Variants in ZNF326 observed in about 807,000 individuals in gnomAD.
The protein encoded by ZNF326 is DBIRD complex subunit ZNF326.
ZNF326 carries 30 observed loss-of-function variants against 63.1 expected under a neutral mutation model. That is an observed-to-expected ratio of 0.48 (90% confidence interval 0.36 to 0.64). The LOEUF (loss-of-function observed/expected upper bound fraction) is 0.64. Among genes scored for constraint, ZNF326 ranks in the 30% least tolerant of loss-of-function variants. ZNF326 has a pLI of 0.00. For synonymous variants in ZNF326, 194 were observed against 228.2 expected (o/e 0.85, Z 1.35); for missense variants, 609 against 720.3 (o/e 0.85, Z 1.77).
At chr1:90,019,212 A>G (rs1420401485) in intron 9 of ZNF326, among the ~76,000 whole-genome samples, 1 of 152,176 alleles carries the variant, frequency 6.6e-6, no homozygotes, top group Non-Finnish European at 1.5e-5. Flanking sequence ...AAAAACAGCC[A>G]ACAAAAGGAA....
rs780713777 is a variant in ZNF326 at position 90,005,011 on chromosome 1, C to T, written c.70C>T (p.Arg24Cys). Residue 24 changes from arginine (R) to cysteine (C), a missense_variant, in exon 3 of 12, where the codon CGT becomes TGT. Physicochemically the swap from Arg to Cys is radical, Grantham distance 180 (BLOSUM62 -3). Transcript: ENST00000340281. ...NTYQGFNGMDRDYGPGSYGGM... is the reference protein window; with the variant it reads ...NTYQGFNGMDCDYGPGSYGGM... ...TATTGACTCTCTTTTAGGAATGGAT[C>T]GTGATTATGGCCCTGGATCTTATGG... 7 of 1,613,556 alleles carry T rather than the reference C, an allele frequency of 4.3e-6. No individual in the cohort carries two copies. Among genetic ancestry groups the T allele is most frequent in the Non-Finnish European group, 8.5e-7 (1 of 1,179,892 alleles).
At chr1:90,005,644 A>G (rs1648952844) in intron 4 of ZNF326, 1 of 976,350 alleles carries the variant, frequency 1.0e-6, no homozygotes, top group Non-Finnish European at 1.2e-6. Flanking sequence ...TGCTATGTAA[A>G]TTAGCAAAGC....
intron 11 of ZNF326, among the ~76,000 whole-genome samples, chr1:90,025,563 C>T (rs1413634966): frequency 1.3e-5 from 2 of 152,188 alleles, no homozygotes; most frequent in Non-Finnish European, 2.9e-5. Flanking sequence ...AGTTCCAGTA[C>T]AGACTAAATG....
At chr1:90,021,440 G>GA (rs1649770113) in intron 10 of ZNF326, among the ~76,000 whole-genome samples, 1 of 151,958 alleles carries the variant, frequency 6.6e-6, no homozygotes, top group African/African-American at 2.4e-5. Context: ...TGATGGTTGG[G>GA]AAAAATACAT....
intron 2 of ZNF326, among the ~76,000 whole-genome samples, chr1:90,004,319 A>G (rs1006771403): frequency 2.0e-5 from 3 of 152,294 alleles, no homozygotes; most frequent in African/African-American, 4.8e-5. Context: ...AATTACTGTG[A>G]ACAAGGCTAA....
At chr1:89,999,033 G>T (rs1648540414) in intron 2 of ZNF326, among the ~76,000 whole-genome samples, 1 of 152,140 alleles carries the variant, frequency 6.6e-6, no homozygotes, top group African/African-American at 2.4e-5. Flanking sequence ...AACATATAGG[G>T]AGTTAGTACT....
chr1:90,005,777 A>T (rs1479321033), intron 4 of ZNF326: 34 of 984,452 alleles, frequency 3.5e-5, no homozygotes, highest in Non-Finnish European at 4.0e-5. Flanking sequence ...AAATATTTTT[A>T]AAATTATGTT....
At chr1:90,027,218 A>T in intron 11 of ZNF326, 136 bp from the exon 12 acceptor site, 1 of 799,104 alleles carries the variant, frequency 1.3e-6, no homozygotes, top group Non-Finnish European at 2.0e-6. Flanking sequence ...CAAATACTTA[A>T]TGAATTTGTT....
At chr1:90,000,001 G>A (rs1648591561) in intron 2 of ZNF326, among the ~76,000 whole-genome samples, 1 of 152,158 alleles carries the variant, frequency 6.6e-6, no homozygotes, top group South Asian at 2.1e-4. Context: ...AATATTTATT[G>A]TATGTTAGAT....
chr1:90,027,649 C>T lies in ZNF326; in HGVS notation c.1697C>T (p.Thr566Ile). The change falls in exon 12 of 12, where the codon ACA becomes ATA. Residue 566 changes from threonine (T) to isoleucine (I), a missense_variant. Physicochemically the swap from Thr to Ile is moderately conservative, Grantham distance 89. Around this residue, in one of 3 missense-constraint regions of ZNF326, gnomAD observed 399 missense variants for 444.3 expected, o/e 0.90. Coordinates refer to ENST00000340281, the MANE Select transcript of ZNF326 (RefSeq NM_182976.4). ...GAAGTAGAGGAATTAGAGGAAGAGACAGCAAAGGAAGAACCTGCTGACTTC... is the reference window on the plus strand; with the variant it reads ...GAAGTAGAGGAATTAGAGGAAGAGATAGCAAAGGAAGAACCTGCTGACTTC... Reference protein sequence around the residue: ...VEEVEELEEETAKEEPADFPV... With the variant: ...VEEVEELEEEIAKEEPADFPV... 4 of 1,613,860 alleles carry T rather than the reference C, an allele frequency of 2.5e-6. No individual in the cohort carries two copies. Among genetic ancestry groups the T allele is most frequent in the Non-Finnish European group, 3.4e-6 (4 of 1,179,962 alleles).
Position 90,030,365 on chromosome 1 carries a change from G to T in ZNF326, c.*2664G>T, listed in dbSNP as rs1225628401. 5 of 149,906 alleles carry T rather than the reference G, an allele frequency of 3.3e-5. No homozygotes were observed. The highest frequency in any genetic ancestry group is 1.3e-4 in the Admixed American group (2 of 15,042). The allele number at this position is 149,906 out of a possible 1,614,324, so 9.3% of individuals were successfully genotyped here. On this transcript the variant is annotated 3_prime_UTR_variant, in exon 12 of 12. Transcript: ENST00000340281. ...CTTTTTTTTTTTTTGTACCTATACA[G>T]TTAGAACTCCTTATCATGTTGATCA...
chr1:89,995,240 C>A lies in ZNF326; in HGVS notation c.-18C>A. On this transcript the variant is annotated 5_prime_UTR_variant, in exon 1 of 12. Coordinates refer to ENST00000340281, the MANE Select transcript of ZNF326 (RefSeq NM_182976.4). ...CTCAGCCTAGCGCCGCCAAGGCCGACGGCCCTCAGCCTCTGCCATGGACTT... is the reference window on the plus strand; with the variant it reads ...CTCAGCCTAGCGCCGCCAAGGCCGAAGGCCCTCAGCCTCTGCCATGGACTT... 6.5e-7 allele frequency: 1 copy of A among 1,547,952 alleles called. No individual in the cohort carries two copies. Among genetic ancestry groups the A allele is most frequent in the Non-Finnish European group, 8.7e-7 (1 of 1,149,254 alleles).
chr1:90,027,207 A>G, intron 11 of ZNF326, 147 bp from the exon 12 acceptor site: 4 of 755,128 alleles, frequency 5.3e-6, no homozygotes, highest in Middle Eastern at 3.6e-4. Context: ...TGGACAGTCA[A>G]CAAATACTTA....
chr1:90,010,278 A>G lies in ZNF326; in HGVS notation c.806A>G (p.Lys269Arg). The change falls in exon 6 of 12, where the codon AAA (lysine) becomes AGA (arginine). Residue 269 changes from lysine (K) to arginine (R), a missense_variant. Transcript: ENST00000340281. Reference sequence around the variant, plus strand: ...CCTATGGAGAAGATAAGCCTCAGCAAATCACCCAGTAAGTAAGAAAACATA... The same window carrying G: ...CCTATGGAGAAGATAAGCCTCAGCAGATCACCCAGTAAGTAAGAAAACATA... ...AKPMEKISLSKSPTKTDPKNE... is the reference protein window; with the variant it reads ...AKPMEKISLSRSPTKTDPKNE... 6.2e-7 allele frequency: 1 copy of G among 1,613,268 alleles called. No homozygotes were observed. Among genetic ancestry groups the G allele is most frequent in the Non-Finnish European group, 8.5e-7 (1 of 1,179,624 alleles).
rs779968951 is a variant in ZNF326 at position 90,007,481 on chromosome 1, C to T, written c.346C>T (p.Arg116Trp). ...SYGGRFESSY[R>W]NSLDSFGGRN... is the part of the protein sequence containing the mutation. ...TGGTGGTCGATTTGAGAGCTCCTAC[C>T]GGAATAGCCTTGACTCTTTCGGAGG... The change falls in exon 5 of 12, where the codon CGG becomes TGG. Residue 116 changes from arginine (R) to tryptophan (W), a missense_variant. Coordinates refer to ENST00000340281, the MANE Select transcript of ZNF326 (RefSeq NM_182976.4). This position sits in a 1 kb window ranked among gnomAD's most constrained non-coding sequence, Gnocchi z 4.9. 20 of 1,614,080 alleles carry T rather than the reference C, an allele frequency of 1.2e-5. No individual in the cohort carries two copies. The highest frequency in any genetic ancestry group is 3.3e-4 in the Middle Eastern group (2 of 6,062).
chr1:90,018,767 A>G lies in ZNF326; in HGVS notation c.1157A>G (p.Glu386Gly), dbSNP rs748888855. 26 of 1,546,660 alleles carry G rather than the reference A, an allele frequency of 1.7e-5. No homozygotes were observed. Among genetic ancestry groups the G allele is most frequent in the Non-Finnish European group, 2.3e-5 (26 of 1,137,050 alleles). ...NNQTEVVKII[E>G]KDVMEGVTVD... ...CAAACAGAAGTAGTTAAAATAATTGAAAAAGATGTTATGGAAGGTAAGTAT... is the reference window on the plus strand; with the variant it reads ...CAAACAGAAGTAGTTAAAATAATTGGAAAAGATGTTATGGAAGGTAAGTAT... The change falls in exon 9 of 12, where the codon GAA becomes GGA. Residue 386 changes from glutamate to glycine, a missense_variant. Coordinates refer to ENST00000340281, the MANE Select transcript of ZNF326 (RefSeq NM_182976.4).
intron 4 of ZNF326, among the ~76,000 whole-genome samples, chr1:90,006,922 T>C (rs1649018980): frequency 6.6e-6 from 1 of 152,208 alleles, no homozygotes; most frequent in Admixed American, 6.5e-5. Flanking sequence ...TCAATTTGTG[T>C]CCCTATTGAA....
At chr1:89,995,344 C>A in intron 1 of ZNF326, 71 bp downstream of exon 1, 1 of 1,509,860 alleles carries the variant, frequency 6.6e-7, no homozygotes. Flanking sequence ...GGTCTGTTTA[C>A]CGTCTCAAGA....
At chr1:90,010,417 T>A in intron 6 of ZNF326, 131 bp downstream of exon 6, 1 of 933,266 alleles carries the variant, frequency 1.1e-6, no homozygotes, top group Non-Finnish European at 1.6e-6. Flanking sequence ...GTTAGATCTG[T>A]AAATCCCCTA....
Sources: gnomAD v4.1 joint callset for allele counts (sites outside exome capture counted in the v4.1 genomes callset) on GRCh38, gnomAD v4.1.1 for gene constraint, gnomAD v4.1.1 regional missense constraint, Gnocchi (gnomAD v3.1) non-coding constraint, MANE v1.5 for transcripts, NCBI Gene and HGNC (gene_info 2026-07-23, HGNC 2026-07-21) for gene names.